The following HOOK3 variants were observed in gnomAD, a reference collection of about 807,000 sequenced individuals.
The protein encoded by HOOK3 is hook microtubule tethering protein 3.
A neutral mutation model predicts 116.3 loss-of-function variants in HOOK3; 24 were observed. The observed-to-expected ratio is 0.21, with a 90% confidence interval of 0.15 to 0.29. HOOK3 has a LOEUF of 0.29. Among genes scored for constraint, HOOK3 ranks in the 10% least tolerant of loss-of-function variants. The pLI, the probability that HOOK3 is intolerant of heterozygous loss-of-function variation, is 1.00. For synonymous variants in HOOK3, 275 were observed against 283.0 expected (o/e 0.97, Z 0.28); for missense variants, 632 against 830.2 (o/e 0.76, Z 2.93).
intron 2 of HOOK3, among the ~76,000 whole-genome samples, chr8:42,908,919 A>T (rs1318087723): frequency 6.6e-6 from 1 of 152,236 alleles, no homozygotes; most frequent in Non-Finnish European, 1.5e-5. Flanking sequence ...ATCTAATAAG[A>T]GGTTACTATC....
chr8:42,972,859 G>A (rs980976862), intron 11 of HOOK3, among the ~76,000 whole-genome samples: 1 of 151,912 alleles, frequency 6.6e-6, no homozygotes, highest in Non-Finnish European at 1.5e-5. Context: ...TCCTGTTATC[G>A]GCAGTTGACA....
Position 42,912,980 on chromosome 8 carries a change from T to C in HOOK3, c.143+6722T>C, listed in dbSNP as rs1284704104. Among the ~76,000 whole-genome samples, 3 of 152,200 alleles carry C rather than the reference T, an allele frequency of 2.0e-5. No homozygotes were observed. The East Asian group carries it at 5.8e-4, about 29-fold the overall frequency. On this transcript the variant is annotated intron_variant, in intron 2 of 21. Coordinates refer to ENST00000307602, the MANE Select transcript of HOOK3 (RefSeq NM_032410.4). Reference sequence around the variant, plus strand: ...GCATAGTTTTGCCTTTTCTGGAATGTCATATAGTTGGAACCATACACCATG... The same window carrying C: ...GCATAGTTTTGCCTTTTCTGGAATGCCATATAGTTGGAACCATACACCATG...
intron 16 of HOOK3, among the ~76,000 whole-genome samples, chr8:42,998,816 T>C (rs1809329063): frequency 6.6e-6 from 1 of 152,350 alleles, no homozygotes; most frequent in South Asian, 2.1e-4. Context: ...TATGCCCTTA[T>C]TAAAATTTAA....
At chr8:42,936,709 T>C (rs1224595415) in intron 4 of HOOK3, among the ~76,000 whole-genome samples, 1 of 152,254 alleles carries the variant, frequency 6.6e-6, no homozygotes, top group Non-Finnish European at 1.5e-5. Context: ...TTTGAGTATG[T>C]TGAACCAGCC....
At position 42,974,163 on chromosome 8, in the gene HOOK3, A is replaced by G. The variant is rs1808775603; in HGVS notation, c.1290A>G (p.Val430=). ...AAACCATTGAAGAGCTTCGTTGTGTACAAGCTCAAGAAGGGCAGCTCACAA... is the reference window on the plus strand; with the variant it reads ...AAACCATTGAAGAGCTTCGTTGTGTGCAAGCTCAAGAAGGGCAGCTCACAA... ...LKETIEELRC[V]QAQEGQLTTQ... is the part of the protein sequence containing the mutation. Residue 430 remains valine (V), a synonymous_variant, in exon 13 of 22, where the codon GTA becomes GTG. Coordinates refer to ENST00000307602, the MANE Select transcript of HOOK3 (RefSeq NM_032410.4). 1 of 1,613,922 alleles carries G rather than the reference A, an allele frequency of 6.2e-7. No individual in the cohort carries two copies.
At chr8:42,922,658 G>A (rs1474011791) in intron 2 of HOOK3, among the ~76,000 whole-genome samples, 1 of 152,114 alleles carries the variant, frequency 6.6e-6, no homozygotes, top group Non-Finnish European at 1.5e-5. Context: ...CAGCATTTTG[G>A]GAGGCTGAGG....
intron 5 of HOOK3, among the ~76,000 whole-genome samples, chr8:42,946,446 C>T (rs1192782508): frequency 5.9e-5 from 9 of 152,038 alleles, no homozygotes; most frequent in South Asian, 2.1e-4. Flanking sequence ...AAGGAAAATA[C>T]GGCAGGAGAT....
chr8:42,987,574 T>C (rs548856278), intron 15 of HOOK3, among the ~76,000 whole-genome samples: 13 of 152,328 alleles, frequency 8.5e-5, no homozygotes, highest in Non-Finnish European at 1.8e-4. Flanking sequence ...ATCTGTTATT[T>C]ATTGTGACCC....
intron 1 of HOOK3, among the ~76,000 whole-genome samples, chr8:42,905,205 A>G (rs1807279239): frequency 6.6e-6 from 1 of 151,782 alleles, no homozygotes; most frequent in Non-Finnish European, 1.5e-5. Context: ...ACCTCACCAG[A>G]TGTAAAGAAT....
chr8:42,973,958 C>T, intron 12 of HOOK3, 149 bp from the exon 13 acceptor site: 1 of 653,886 alleles, frequency 1.5e-6, no homozygotes, highest in Non-Finnish European at 2.8e-6. Flanking sequence ...TAATCTTTTC[C>T]TCCTTCTATG....
chr8:42,927,453 G>T lies in HOOK3; in HGVS notation c.216+1824G>T, dbSNP rs571335259. Reference sequence around the variant, plus strand: ...TGTATTTTTCAGTAGAGATGGTTTCGTCATGTTGGCTAGGCTGGTCTTGAA... The same window carrying T: ...TGTATTTTTCAGTAGAGATGGTTTCTTCATGTTGGCTAGGCTGGTCTTGAA... On this transcript the variant is annotated intron_variant, in intron 3 of 21. Transcript: ENST00000307602. Among the ~76,000 whole-genome samples the T allele has an allele frequency of 4.0e-5, 6 of 151,870 alleles. No homozygotes were observed. In the East Asian group the frequency reaches 1.2e-3, roughly 29 times the overall value.
At chr8:42,906,866 A>C (rs1807321658) in intron 2 of HOOK3, among the ~76,000 whole-genome samples, 5 of 152,148 alleles carry the variant, frequency 3.3e-5, no homozygotes, top group Admixed American at 3.3e-4. Context: ...AACCATATGA[A>C]ATTGCTCTTC....
At chr8:43,002,805 G>A (rs534115995) in intron 17 of HOOK3, among the ~76,000 whole-genome samples, 183 of 152,290 alleles carry the variant, frequency 1.2e-3, no homozygotes, top group Non-Finnish European at 2.1e-3. Context: ...AGCCTTCTGA[G>A]TAGCTGGCAT....
intron 2 of HOOK3, among the ~76,000 whole-genome samples, chr8:42,912,242 T>A (rs1807445081): frequency 6.6e-6 from 1 of 152,226 alleles, no homozygotes; most frequent in African/African-American, 2.4e-5. Flanking sequence ...AAATTTGAAA[T>A]GTGAATGGAT....
At chr8:42,930,210 T>C in intron 4 of HOOK3, 38 bp downstream of exon 4, 1 of 1,458,328 alleles carries the variant, frequency 6.9e-7, no homozygotes, top group Non-Finnish European at 9.2e-7. Context: ...GAAGTGTTAC[T>C]ATCGGATAGT....
intron 5 of HOOK3, among the ~76,000 whole-genome samples, chr8:42,948,451 C>T (rs1360192490): frequency 6.6e-6 from 1 of 152,160 alleles, no homozygotes; most frequent in East Asian, 1.9e-4. Flanking sequence ...TAGCATTTTA[C>T]GGTGTTCGCG....
intron 4 of HOOK3, among the ~76,000 whole-genome samples, chr8:42,939,389 C>CT: frequency 6.8e-6 from 1 of 147,066 alleles, no homozygotes; most frequent in East Asian, 2.1e-4. Flanking sequence ...GCTGGCCGGG[C>CT]GGGGGGCTGA....
intron 21 of HOOK3, 116 bp from the exon 22 acceptor site, chr8:43,018,242 C>G: frequency 3.2e-6 from 3 of 938,470 alleles, no homozygotes; most frequent in Non-Finnish European, 4.6e-6. Flanking sequence ...GTAGTATTAA[C>G]ATTCCTAATT....
At chr8:42,965,356 TAGAG>T (rs144237890) in intron 9 of HOOK3, among the ~76,000 whole-genome samples, 3,910 of 152,234 alleles carry the variant, frequency 0.026, 95 homozygotes, top group Admixed American at 0.069. Context: ...TGTGTGTTTA[TAGAG>T]ATAGACTTAT....
Sources: gnomAD v4.1 joint callset for allele counts (sites outside exome capture counted in the v4.1 genomes callset) on GRCh38, gnomAD v4.1.1 for gene constraint, MANE v1.5 for transcripts, NCBI Gene and HGNC (gene_info 2026-07-23, HGNC 2026-07-21) for gene names.